The following IGDCC3 variants were observed in gnomAD, a reference collection of about 807,000 sequenced individuals.
IGDCC3 encodes the protein putative neuronal cell adhesion molecule.
IGDCC3 carries 47 observed loss-of-function variants against 72.0 expected under a neutral mutation model. The ratio of observed to expected loss-of-function variants is 0.65; its 90% confidence interval spans 0.52 to 0.83. IGDCC3 has a LOEUF of 0.83. Among genes scored for constraint, IGDCC3 ranks in the 40% least tolerant of loss-of-function variants. The pLI is 0.00. For synonymous variants in IGDCC3, 477 were observed against 472.8 expected (o/e 1.01, Z -0.11); for missense variants, 1,038 against 1,091.3 (o/e 0.95, Z 0.69).
chr15:65,376,328 AGGG>A (rs1218335504), intron 1 of IGDCC3, among the ~76,000 whole-genome samples: 2 of 152,248 alleles, frequency 1.3e-5, no homozygotes, highest in Non-Finnish European at 2.9e-5. Flanking sequence ...GCCCGGCTGG[AGGG>A]ACAAGCACTC....
chr15:65,348,951 T>A (rs576175608), intron 2 of IGDCC3, among the ~76,000 whole-genome samples: 1 of 152,306 alleles, frequency 6.6e-6, no homozygotes, highest in East Asian at 1.9e-4. Flanking sequence ...AGATCCCTGC[T>A]CAACTGACAG....
Position 65,330,445 on chromosome 15 carries a change from G to A in IGDCC3, c.1754-48C>T, listed in dbSNP as rs1207229980. ...AGCAACTGCCCCTGCCCAACCACGTGCCCTGTCCTAGCCAGGAAAGGGAGG... is the reference window on the plus strand; with the variant it reads ...AGCAACTGCCCCTGCCCAACCACGTACCCTGTCCTAGCCAGGAAAGGGAGG... On this transcript the variant is annotated intron_variant, in intron 10 of 13. Transcript: ENST00000327987. 2.5e-6 allele frequency: 4 copies of A among 1,576,724 alleles called. No individual in the cohort carries two copies. The African/African-American group carries it at 4.0e-5, about 16-fold the overall frequency.
At chr15:65,342,243 G>A (rs1008118615) in intron 2 of IGDCC3, among the ~76,000 whole-genome samples, 4 of 151,944 alleles carry the variant, frequency 2.6e-5, no homozygotes, top group East Asian at 2.0e-4. Flanking sequence ...AAAATTAGCC[G>A]GGCGTGGTGG....
intron 2 of IGDCC3, among the ~76,000 whole-genome samples, chr15:65,347,517 C>A (rs568258025): frequency 2.0e-5 from 3 of 152,186 alleles, no homozygotes; most frequent in Non-Finnish European, 2.9e-5. Context: ...ATCTTAAACA[C>A]GAGTTGGGTG....
intron 7 of IGDCC3, 107 bp downstream of exon 7, chr15:65,331,834 G>A: frequency 7.0e-7 from 1 of 1,426,650 alleles, no homozygotes; most frequent in Non-Finnish European, 9.5e-7. Flanking sequence ...TCCCAATTCT[G>A]TGCTCTTCCC....
chr15:65,365,533 G>C (rs578227398), intron 2 of IGDCC3, among the ~76,000 whole-genome samples: 190 of 152,226 alleles, frequency 1.2e-3, no homozygotes, highest in African/African-American at 4.3e-3. Flanking sequence ...CTCAGAGACA[G>C]GCCCCAACCA....
At chr15:65,351,342 G>A (rs1313662343) in intron 2 of IGDCC3, among the ~76,000 whole-genome samples, 2 of 152,200 alleles carry the variant, frequency 1.3e-5, no homozygotes, top group Non-Finnish European at 2.9e-5. Flanking sequence ...CGACCATCCT[G>A]GCTAACACGG....
chr15:65,375,155 A>G lies in IGDCC3; in HGVS notation c.351T>C (p.Cys117=), dbSNP rs775926516. The G allele has an allele frequency of 6.2e-7, 1 of 1,614,200 alleles. No individual in the cohort carries two copies. The highest frequency in any genetic ancestry group is 1.1e-5 in the South Asian group (1 of 91,088). The change falls in exon 2 of 14, where the codon TGT becomes TGC. Residue 117 remains cysteine (C), a synonymous_variant. Coordinates refer to ENST00000327987, the MANE Select transcript of IGDCC3 (RefSeq NM_004884.4). ...GSPSDEGDYE[C]VAQNRFGLVV... is the part of the protein sequence containing the mutation. Reference sequence around the variant, plus strand: ...CCAGCCCAAAGCGGTTCTGGGCCACACACTCATAGTCACCTTCATCCGAAG... The same window carrying G: ...CCAGCCCAAAGCGGTTCTGGGCCACGCACTCATAGTCACCTTCATCCGAAG...
chr15:65,350,237 TCTC>T (rs35767897), intron 2 of IGDCC3, among the ~76,000 whole-genome samples: 13,343 of 152,102 alleles, frequency 0.088, 749 homozygotes, highest in South Asian at 0.15. Context: ...GTTCAGCTAT[TCTC>T]CTGCTTCAGC....
At chr15:65,371,602 G>C (rs2091326199) in intron 2 of IGDCC3, among the ~76,000 whole-genome samples, 1 of 152,328 alleles carries the variant, frequency 6.6e-6, no homozygotes, top group Non-Finnish European at 1.5e-5. Flanking sequence ...AAGATTCCCA[G>C]GTGATTCACA....
At chr15:65,372,696 G>T (rs535127093) in intron 2 of IGDCC3, among the ~76,000 whole-genome samples, 15 of 152,322 alleles carry the variant, frequency 9.8e-5, no homozygotes, top group African/African-American at 3.4e-4. Flanking sequence ...AGAAGAAGCA[G>T]GGGCCTCCAG....
At chr15:65,360,327 A>G (rs1251671280) in intron 2 of IGDCC3, among the ~76,000 whole-genome samples, 1 of 152,250 alleles carries the variant, frequency 6.6e-6, no homozygotes, top group Non-Finnish European at 1.5e-5. Flanking sequence ...CAAAAATCAG[A>G]AACAGAGGAG....
intron 11 of IGDCC3, 124 bp downstream of exon 11, chr15:65,330,169 G>T: frequency 1.3e-6 from 1 of 769,622 alleles, no homozygotes; most frequent in Non-Finnish European, 2.2e-6. Flanking sequence ...CAGCCAGCAT[G>T]TGCATGGCCA....
rs1055596154 is a variant in IGDCC3, at chr15:65,327,255, C to T, written c.*1654G>A. 15 of 152,662 alleles carry T rather than the reference C, an allele frequency of 9.8e-5. No homozygotes were observed. The highest frequency in any genetic ancestry group is 7.9e-4 in the Admixed American group (12 of 15,286). 9.5% of individuals were successfully genotyped at this position (152,662 alleles called of 1,614,324 possible). On this transcript the variant is annotated 3_prime_UTR_variant, in exon 14 of 14. Coordinates refer to ENST00000327987, the MANE Select transcript of IGDCC3 (RefSeq NM_004884.4). ...CCTTCCCAAGGGAGAGGGAGGCTCC[C>T]GAGAGAAGCTGCTTTGGGAACAGAG... is the stretch of plus-strand genomic sequence containing the variant.
At chr15:65,361,582 C>G (rs900037020) in intron 2 of IGDCC3, among the ~76,000 whole-genome samples, 1 of 151,968 alleles carries the variant, frequency 6.6e-6, no homozygotes, top group Non-Finnish European at 1.5e-5. Context: ...GGCGAGTTCC[C>G]CAGTTTCCAG....
intron 2 of IGDCC3, among the ~76,000 whole-genome samples, chr15:65,353,726 A>G (rs1334348125): frequency 1.3e-5 from 2 of 152,198 alleles, no homozygotes; most frequent in Non-Finnish European, 2.9e-5. Flanking sequence ...CTACACTCCC[A>G]CCAGCACCAT....
chr15:65,332,793 C>T (rs2090989568), intron 6 of IGDCC3, among the ~76,000 whole-genome samples: 1 of 152,194 alleles, frequency 6.6e-6, no homozygotes, highest in South Asian at 2.1e-4. Flanking sequence ...GGCAGGGCCC[C>T]GCCCCACGGG....
In IGDCC3 at chr15:65,331,100, C is replaced by G. The variant is rs753675254; in HGVS notation, c.1511G>C (p.Arg504Thr). 2.5e-6 allele frequency: 4 copies of G among 1,614,086 alleles called. No homozygotes were observed. Among genetic ancestry groups the G allele is most frequent in the Admixed American group, 3.3e-5 (2 of 60,020 alleles). Residue 504 changes from arginine to threonine, a missense_variant, in exon 9 of 14, where the codon AGG becomes ACG. Arg to Thr is a moderately conservative substitution (Grantham distance 71, BLOSUM62 -1). Coordinates refer to ENST00000327987, the MANE Select transcript of IGDCC3 (RefSeq NM_004884.4). ...YSFYIKAYTP[R>T]GASSASVPTL... The stretch of plus-strand genomic sequence containing the variant: ...GGGCACAGAGGCTGAGCTGGCCCCC[C>G]TTGGTGTGTAGGCCTTGATGTAGAA...
At chr15:65,344,141 C>T (rs536770886) in intron 2 of IGDCC3, among the ~76,000 whole-genome samples, 200 of 152,212 alleles carry the variant, frequency 1.3e-3, no homozygotes, top group Admixed American at 2.1e-3. Context: ...TTTTGAGAAG[C>T]GGGGAGGCTG....
Sources: allele counts gnomAD v4.1 joint callset (sites outside exome capture counted in the v4.1 genomes callset), GRCh38; gene constraint gnomAD v4.1.1; transcripts MANE v1.5; gene names NCBI Gene and HGNC (gene_info 2026-07-23, HGNC 2026-07-21).